The following RASAL3 variants were observed in gnomAD, a reference collection of about 807,000 sequenced individuals.
The protein encoded by RASAL3 is RAS protein activator like-3.
In RASAL3, 74 loss-of-function variants were observed where a neutral mutation model predicts 105.5. The observed-to-expected ratio is 0.70, with a 90% CI of 0.58 to 0.85. The LOEUF is 0.85. Among genes scored for constraint, RASAL3 ranks in the 40% least tolerant of loss-of-function variants. The pLI is 0.00. For synonymous variants in RASAL3, 579 were observed against 591.6 expected (o/e 0.98, Z 0.31); for missense variants, 1,352 against 1,392.0 (o/e 0.97, Z 0.46).
chr19:15,453,320 A>G lies in RASAL3; in HGVS notation c.2457T>C (p.Ser819=), dbSNP rs570701843. ...RRPRPVQRTQ[S]VPVRRPARRR... is the part of the protein sequence containing the mutation. Reference sequence around the variant, plus strand: ...GGCGGGCAGGACGCCGGACCGGGACACTCTGCGTGCGCTGCACCGGCCGGG... The same window carrying G: ...GGCGGGCAGGACGCCGGACCGGGACGCTCTGCGTGCGCTGCACCGGCCGGG... The change falls in exon 15 of 18, where the codon AGT becomes AGC. Residue 819 remains serine (S), a synonymous_variant. Coordinates refer to ENST00000343625, the MANE Select transcript of RASAL3 (RefSeq NM_022904.3). This position sits in a 1 kb window ranked among gnomAD's most constrained non-coding sequence, Gnocchi z 4.2. 1.8e-4 allele frequency: 270 copies of G among 1,476,980 alleles called. 1 individual carries two copies. In the African/African-American group the frequency reaches 3.6e-3, roughly 20 times the overall value. 91.5% of individuals were successfully genotyped at this position (1,476,980 alleles called of 1,614,324 possible). A position where few individuals can be genotyped will look rare whatever the true frequency, so the allele number is the denominator to read the frequency against.
In RASAL3 at chr19:15,454,228, G is replaced by A. The variant is rs371843552; in HGVS notation, c.2200C>T (p.Arg734Ter). ...ACAGGCTGGCCCTCCTCAATGGCTC[G>A]CAGGATGGTGGGCAGTGGTTCCAGG... ...DTLEPLPTIL[R>*]AIEEGQPVLV... The change falls in exon 14 of 18, where the codon CGA becomes TGA. Residue 734 changes from arginine (R) to a stop codon, truncating the protein, a stop_gained. Coordinates refer to ENST00000343625, the MANE Select transcript of RASAL3 (RefSeq NM_022904.3). LOFTEE classifies it high-confidence loss of function. The A allele has an allele frequency of 1.3e-5, 21 of 1,567,368 alleles. No individual in the cohort carries two copies. Among genetic ancestry groups the A allele is most frequent in the Admixed American group, 5.7e-5 (3 of 52,516 alleles).
At position 15,458,264 on chromosome 19, in the gene RASAL3, G is replaced by A. The variant is rs548916930; in HGVS notation, c.888+64C>T. On this transcript the variant is annotated intron_variant, in intron 8 of 17. Transcript: ENST00000343625. ...ATGGAGCGAGCTGGCTTTGGGTAGA[G>A]TGGAAGGGGCGGGCCAGGCCTGTGG... The A allele has an allele frequency of 8.7e-6, 13 of 1,494,474 alleles. No individual in the cohort carries two copies. In the East Asian group the frequency reaches 2.6e-4, roughly 30 times the overall value. 92.6% of individuals were successfully genotyped at this position (1,494,474 alleles called of 1,614,324 possible). A position where few individuals can be genotyped will look rare whatever the true frequency, so the allele number is the denominator to read the frequency against.
rs1970237637 is a variant in RASAL3 at position 15,453,960 on chromosome 19, ACCTCT to A, written c.2279+184_2279+188del. Among the ~76,000 whole-genome samples, 1 of 151,258 alleles carries A rather than the reference ACCTCT, an allele frequency of 6.6e-6. No individual in the cohort carries two copies. Among genetic ancestry groups the A allele is most frequent in the Admixed American group, 6.6e-5 (1 of 15,172 alleles). ...TGACCCTTGACATCTCTCCACCCTA[ACCTCT>A]CCTCTCATCCCCGACCTCAAACACA... is the stretch of plus-strand genomic sequence containing the variant. On this transcript the variant is annotated intron_variant, in intron 14 of 17. Transcript: ENST00000343625. The surrounding 1 kb of genome is among the most constrained non-coding windows in gnomAD (Gnocchi z 4.2).
At chr19:15,452,979 C>A in intron 15 of RASAL3, 128 bp downstream of exon 15, 1 of 1,486,280 alleles carries the variant, frequency 6.7e-7, no homozygotes, top group Admixed American at 2.0e-5. Flanking sequence ...CAGAGAGGGT[C>A]GGGCTAGGCC....
At position 15,453,601 on chromosome 19, in the gene RASAL3, CTT is replaced by C. The variant is rs533308440; in HGVS notation, c.2280-106_2280-105del. On this transcript the variant is annotated intron_variant, in intron 14 of 17. Transcript: ENST00000343625. The surrounding 1 kb of genome is among the most constrained non-coding windows in gnomAD (Gnocchi z 4.2). ...CACCCCCCACGTGAACTTGTCCTTT[CTT>C]TTTTTTTTTTGAGACAAGGTCTTGC... 2.0e-3 allele frequency: 1,951 copies of C among 951,862 alleles called. No individual in the cohort carries two copies. Among genetic ancestry groups the C allele is most frequent in the South Asian group, 3.8e-3 (184 of 48,330 alleles). 59.0% of individuals were successfully genotyped at this position (951,862 alleles called of 1,614,324 possible).
At chr19:15,458,801 C>A (rs949578566) in intron 6 of RASAL3, 146 bp from the exon 7 acceptor site, 1 of 1,121,890 alleles carries the variant, frequency 8.9e-7, no homozygotes, top group African/African-American at 1.6e-5. Flanking sequence ...CGCCATGGCA[C>A]CTCCTTGCTT....
At chr19:15,460,131 T>C (rs1941974814) in intron 6 of RASAL3, 72 bp downstream of exon 6, 1 of 1,276,290 alleles carries the variant, frequency 7.8e-7, no homozygotes, top group Admixed American at 2.2e-5. Flanking sequence ...TAGATTGGAA[T>C]GATATGCAGG....
Position 15,456,339 on chromosome 19 carries a change from G to A in RASAL3, c.1577-91C>T. On this transcript the variant is annotated intron_variant, in intron 10 of 17. Transcript: ENST00000343625. This position sits in a 1 kb window ranked among gnomAD's most constrained non-coding sequence, Gnocchi z 4.4. ...CCAACCTTGTCTTCAGGTTATTCCGGAGGCACCCAACATCTTGGGGAGCTC... is the reference window on the plus strand; with the variant it reads ...CCAACCTTGTCTTCAGGTTATTCCGAAGGCACCCAACATCTTGGGGAGCTC... The A allele has an allele frequency of 6.4e-7, 1 of 1,559,128 alleles. No homozygotes were observed. The highest frequency in any genetic ancestry group is 1.2e-5 in the South Asian group (1 of 84,348).
chr19:15,460,227 T>C lies in RASAL3; in HGVS notation c.638A>G (p.Lys213Arg), dbSNP rs3764565. Residue 213 changes from lysine (K) to arginine (R), a missense_variant, in exon 6 of 18, where the codon AAG becomes AGG. This residue lies in a region of RASAL3 where 344 missense variants were observed against 339.6 expected (regional missense o/e 1.01). Transcript: ENST00000343625. ...GLLKRLKEKK[K>R]ARLEPRDGPP... Reference sequence around the variant, plus strand: ...CCCATCCCGGGGCTCCAACCTGGCCTTTTTCTTCTCTTTCAGCCTCTTGAG... The same window carrying C: ...CCCATCCCGGGGCTCCAACCTGGCCCTTTTCTTCTCTTTCAGCCTCTTGAG... 1.4e-4 allele frequency: 232 copies of C among 1,608,674 alleles called. No individual in the cohort carries two copies. In the East Asian group the frequency reaches 5.0e-3, roughly 35 times the overall value.
rs529715329 is a variant in RASAL3, at chr19:15,458,309, C to G, written c.888+19G>C. 3.1e-6 allele frequency: 5 copies of G among 1,609,914 alleles called. No homozygotes were observed. The South Asian group carries it at 5.5e-5, about 18-fold the overall frequency. On this transcript the variant is annotated intron_variant, in intron 8 of 17. Transcript: ENST00000343625. ...CTGTGGGCGGGGTCTCCGTGTCCCGCTTTTCTGAGGGCAATGACCTGGGTG... is the reference window on the plus strand; with the variant it reads ...CTGTGGGCGGGGTCTCCGTGTCCCGGTTTTCTGAGGGCAATGACCTGGGTG...
rs957389198 is a variant in RASAL3 at position 15,454,378 on chromosome 19, A to T, written c.2143T>A (p.Phe715Ile). 13 of 1,612,578 alleles carry T rather than the reference A, an allele frequency of 8.1e-6. No individual in the cohort carries two copies. The highest frequency in any genetic ancestry group is 1.1e-5 in the Non-Finnish European group (13 of 1,179,306). Reference protein sequence around the residue: ...AVLHAQLCTIFAELDQTTRDT... With the variant: ...AVLHAQLCTIIAELDQTTRDT... ...GGCCATACCTGGTCAAGCTCAGCAA[A>T]AATTGTACAGAGCTGGGCATGCAGG... The change falls in exon 13 of 18, where the codon TTT becomes ATT. Residue 715 changes from phenylalanine (F) to isoleucine (I), a missense_variant. Transcript: ENST00000343625.
At chr19:15,455,258 A>T (rs1342085398) in intron 11 of RASAL3, among the ~76,000 whole-genome samples, 1 of 152,178 alleles carries the variant, frequency 6.6e-6, no homozygotes, top group Admixed American at 6.5e-5. Flanking sequence ...AGTACAAGAT[A>T]TAAAGTAGGA....
intron 16 of RASAL3, 174 bp from the exon 17 acceptor site, chr19:15,452,282 G>A (rs954364504): frequency 3.9e-5 from 26 of 662,022 alleles, no homozygotes; most frequent in Admixed American, 1.2e-4. Flanking sequence ...AGACGGGAAT[G>A]GTTGGAATGA....
chr19:15,453,384 G>T lies in RASAL3; in HGVS notation c.2393C>A (p.Ala798Asp). Reference sequence around the variant, plus strand: ...CCGCTCTTCGTCCGGCCGTGGCCGGGCCCAACTCTCTGAGCGGCGAACGCT... The same window carrying T: ...CCGCTCTTCGTCCGGCCGTGGCCGGTCCCAACTCTCTGAGCGGCGAACGCT... ...LRSVRRSESW[A>D]RPRPDEERPL... Residue 798 changes from alanine (A) to aspartate (D), a missense_variant, in exon 15 of 18, where the codon GCC becomes GAC. Physicochemically the swap from Ala to Asp is moderately radical, Grantham distance 126. This residue lies in a region of RASAL3 where 920 missense variants were observed against 919.6 expected (regional missense o/e 1.00). Transcript: ENST00000343625. This position sits in a 1 kb window ranked among gnomAD's most constrained non-coding sequence, Gnocchi z 4.2. 6.8e-7 allele frequency: 1 copy of T among 1,472,050 alleles called. No individual in the cohort carries two copies. Among genetic ancestry groups the T allele is most frequent in the Non-Finnish European group, 8.9e-7 (1 of 1,118,964 alleles). The allele number at this position is 1,472,050 out of a possible 1,614,324, so 91.2% of individuals were successfully genotyped here. A position where few individuals can be genotyped will look rare whatever the true frequency, so the allele number is the denominator to read the frequency against.
Position 15,453,537 on chromosome 19 carries a change from CCT to C in RASAL3, c.2280-42_2280-41del. 1 of 1,470,316 alleles carries C rather than the reference CCT, an allele frequency of 6.8e-7. No homozygotes were observed. The highest frequency in any genetic ancestry group is 8.9e-7 in the Non-Finnish European group (1 of 1,120,706). The allele number at this position is 1,470,316 out of a possible 1,614,324, so 91.1% of individuals were successfully genotyped here. On this transcript the variant is annotated intron_variant, in intron 14 of 17. Transcript: ENST00000343625. The surrounding 1 kb of genome is among the most constrained non-coding windows in gnomAD (Gnocchi z 4.2). ...GAGGATCTTAGACCCTCCACTGGCCCCTGAGACGACCCCATCCCGACCTGACC... is the reference window on the plus strand; with the variant it reads ...GAGGATCTTAGACCCTCCACTGGCCCGAGACGACCCCATCCCGACCTGACC...
In RASAL3 at chr19:15,454,578, GC is replaced by G; in HGVS notation, c.1959-17del. 1 of 1,613,304 alleles carries G rather than the reference GC, an allele frequency of 6.2e-7. No individual in the cohort carries two copies. Among genetic ancestry groups the G allele is most frequent in the Non-Finnish European group, 8.5e-7 (1 of 1,179,626 alleles). The stretch of plus-strand genomic sequence containing the variant: ...CTCACCGAACCTGGATCAGGGCCAG[GC>G]TGGGTGGGTCAGGTCAGGCACCTGC... On this transcript the variant is annotated splice_polypyrimidine_tract_variant and intron_variant, in intron 12 of 17. Transcript: ENST00000343625.
rs561056293 is a variant in RASAL3, at chr19:15,456,659, G to A, written c.1432-13C>T. On this transcript the variant is annotated splice_polypyrimidine_tract_variant and intron_variant, in intron 9 of 17. Coordinates refer to ENST00000343625, the MANE Select transcript of RASAL3 (RefSeq NM_022904.3). This position sits in a 1 kb window ranked among gnomAD's most constrained non-coding sequence, Gnocchi z 4.4. ...CAGTCACCAGCGCCTAGGAAGGGCA[G>A]GAGGTCAGGTTGCACCAGATGCAGA... 1.1e-5 allele frequency: 18 copies of A among 1,609,268 alleles called. No homozygotes were observed. In the African/African-American group the frequency reaches 2.0e-4, roughly 18 times the overall value.
At chr19:15,452,570 T>TG in intron 16 of RASAL3, 88 bp downstream of exon 16, 5 of 848,736 alleles carry the variant, frequency 5.9e-6, no homozygotes, top group Non-Finnish European at 6.1e-6. Flanking sequence ...GTGCTAGGCG[T>TG]GGTTTGGGGG....
At chr19:15,452,542 C>A in intron 16 of RASAL3, 116 bp downstream of exon 16, 2 of 832,596 alleles carry the variant, frequency 2.4e-6, no homozygotes, top group African/African-American at 2.8e-5. Flanking sequence ...TGGGGCGGGG[C>A]CAGGGTGGGG....
Sources: allele counts gnomAD v4.1 joint callset (sites outside exome capture counted in the v4.1 genomes callset), GRCh38; gene constraint gnomAD v4.1.1; regional missense constraint gnomAD v4.1.1; non-coding constraint Gnocchi (gnomAD v3.1); transcripts MANE v1.5; gene names NCBI Gene and HGNC (gene_info 2026-07-23, HGNC 2026-07-21).